The following CREB5 variants were observed in gnomAD, a reference collection of about 807,000 sequenced individuals.
CREB5 encodes cAMP responsive element binding protein 5, also known as cyclic AMP-responsive element-binding protein 5.
Under a neutral mutation model 57.1 loss-of-function variants are expected in CREB5, and 19 were observed. The observed-to-expected ratio is 0.33, with a 90% CI of 0.23 to 0.49. The LOEUF (loss-of-function observed/expected upper bound fraction) is 0.49, where lower values mean the gene tolerates loss of function less well. Ranked by LOEUF, CREB5 falls within the 20% of genes least tolerant of loss-of-function variation. CREB5 has a pLI of 0.99. For synonymous variants in CREB5, 238 were observed against 238.3 expected, an observed-to-expected ratio of 1.00 and a Z score of 0.01; for missense variants, 579 against 671.6, an observed-to-expected ratio of 0.86 and a Z score of 1.52.
At chr7:28,591,249 C>A (rs1334841088) in intron 5 of CREB5, among the ~76,000 whole-genome samples, 4 of 152,148 alleles carry the variant, frequency 2.6e-5, no homozygotes, top group Non-Finnish European at 4.4e-5. Flanking sequence ...AGCTTGAAGT[C>A]ACAGAGTGAT....
At chr7:28,465,115 C>A (rs914094870) in intron 1 of CREB5, among the ~76,000 whole-genome samples, 3 of 152,130 alleles carry the variant, frequency 2.0e-5, no homozygotes, top group African/African-American at 7.2e-5. Flanking sequence ...GGATAGGATG[C>A]TAATGGGAGG....
At chr7:28,528,310 A>G (rs571151704) in intron 4 of CREB5, among the ~76,000 whole-genome samples, 16 of 152,242 alleles carry the variant, frequency 1.1e-4, no homozygotes, top group Non-Finnish European at 1.5e-4. Flanking sequence ...GGAATATTTC[A>G]TGATGAAAGG....
intron 7 of CREB5, among the ~76,000 whole-genome samples, chr7:28,796,603 T>G (rs959045037): frequency 6.6e-5 from 10 of 152,228 alleles, no homozygotes; most frequent in African/African-American, 2.4e-4. Context: ...GGAGCCAGGC[T>G]TTAAAACCAA....
chr7:28,385,268 A>C (rs1024075256), intron 1 of CREB5, among the ~76,000 whole-genome samples: 4 of 152,184 alleles, frequency 2.6e-5, no homozygotes, highest in African/African-American at 9.7e-5. Flanking sequence ...TATTTTTACA[A>C]AAAAAAGAAT....
intron 4 of CREB5, among the ~76,000 whole-genome samples, chr7:28,535,045 G>T (rs1260966516): frequency 1.4e-5 from 2 of 141,686 alleles, no homozygotes; most frequent in African/African-American, 2.6e-5. Context: ...TCGCATCTCT[G>T]GTTCCTGCTG....
chr7:28,798,686 T>C (rs1166555883), intron 7 of CREB5, among the ~76,000 whole-genome samples: 1 of 152,192 alleles, frequency 6.6e-6, no homozygotes, highest in South Asian at 2.1e-4. Context: ...TGAAACTACC[T>C]GTGCGTCAGG....
chr7:28,545,878 A>C (rs1246480058), intron 4 of CREB5, among the ~76,000 whole-genome samples: 3 of 152,210 alleles, frequency 2.0e-5, no homozygotes, highest in Non-Finnish European at 1.5e-5. Flanking sequence ...TTTTCACGCA[A>C]CATCATTTTA....
chr7:28,807,132 C>T (rs1434540512), intron 8 of CREB5, among the ~76,000 whole-genome samples: 2 of 152,160 alleles, frequency 1.3e-5, no homozygotes, highest in African/African-American at 4.8e-5. Flanking sequence ...AAAAGAGTCA[C>T]CAACAAACAA....
chr7:28,495,628 A>G (rs1488670057), intron 3 of CREB5, among the ~76,000 whole-genome samples: 2 of 152,198 alleles, frequency 1.3e-5, no homozygotes, highest in Non-Finnish European at 2.9e-5. Flanking sequence ...TCTGTGAGCC[A>G]TGGGAAATGC....
chr7:28,513,589 T>G (rs1792810585), intron 4 of CREB5: 1 of 152,178 alleles, frequency 6.6e-6, no homozygotes, highest in South Asian at 2.1e-4. Flanking sequence ...CCCATTTCAG[T>G]GCACTACAAA....
intron 5 of CREB5, among the ~76,000 whole-genome samples, chr7:28,611,865 T>G (rs940484815): frequency 7.2e-5 from 11 of 152,080 alleles, no homozygotes; most frequent in African/African-American, 2.7e-4. Context: ...AACTGTATGT[T>G]GCAAGGGTGA....
At chr7:28,531,683 T>C (rs1241226484) in intron 4 of CREB5, among the ~76,000 whole-genome samples, 1 of 152,110 alleles carries the variant, frequency 6.6e-6, no homozygotes, top group African/African-American at 2.4e-5. Context: ...ACTTTTACTT[T>C]ACATAGGAAT....
intron 1 of CREB5, among the ~76,000 whole-genome samples, chr7:28,403,301 T>G (rs1194196458): frequency 1.3e-5 from 2 of 152,206 alleles, no homozygotes; most frequent in Non-Finnish European, 2.9e-5. Flanking sequence ...ATATTACATC[T>G]TATATGCAAT....
chr7:28,782,141 T>C (rs1807024551), intron 7 of CREB5, among the ~76,000 whole-genome samples: 1 of 152,154 alleles, frequency 6.6e-6, no homozygotes, highest in Non-Finnish European at 1.5e-5. Context: ...AACCCAAAAA[T>C]GGATGTACTT....
chr7:28,633,039 C>G (rs1315050286), intron 5 of CREB5, among the ~76,000 whole-genome samples: 1 of 152,112 alleles, frequency 6.6e-6, no homozygotes, highest in Non-Finnish European at 1.5e-5. Flanking sequence ...TTATCCTGTT[C>G]CAGGTACTTC....
At chr7:28,313,426 A>C (rs190531029) in intron 1 of CREB5, among the ~76,000 whole-genome samples, 6 of 152,358 alleles carry the variant, frequency 3.9e-5, no homozygotes, top group African/African-American at 1.4e-4. Flanking sequence ...TTTAACAGAA[A>C]GTATTTTTAT....
chr7:28,810,870 G>C (rs1216808415), intron 9 of CREB5, among the ~76,000 whole-genome samples: 1 of 152,092 alleles, frequency 6.6e-6, no homozygotes. Flanking sequence ...TGTACAAATT[G>C]AAAGTATATA....
At chr7:28,747,960 G>A (rs1804774463) in intron 7 of CREB5, among the ~76,000 whole-genome samples, 1 of 152,170 alleles carries the variant, frequency 6.6e-6, no homozygotes, top group South Asian at 2.1e-4. Context: ...CACTGCTCAC[G>A]GTGGTGTCTC....
chr7:28,426,421 C>G (rs1788512961), intron 1 of CREB5, among the ~76,000 whole-genome samples: 1 of 152,220 alleles, frequency 6.6e-6, no homozygotes, highest in Non-Finnish European at 1.5e-5. Context: ...TTCACTGGTG[C>G]CCTGTCTCAA....
Sources: allele counts gnomAD v4.1 joint callset (sites outside exome capture counted in the v4.1 genomes callset), GRCh38; gene constraint gnomAD v4.1.1; transcripts MANE v1.5; gene names NCBI Gene and HGNC (gene_info 2026-07-23, HGNC 2026-07-21).